Variants in KCNH7 observed in about 807,000 individuals in gnomAD.
The protein encoded by KCNH7 is potassium voltage-gated channel subfamily H member 7.
KCNH7 carries 49 observed loss-of-function variants against 120.8 expected under a neutral mutation model. The observed-to-expected ratio is 0.41, with a 90% CI of 0.32 to 0.51. KCNH7 has a LOEUF of 0.51. Among genes scored for constraint, KCNH7 ranks in the 20% least tolerant of loss-of-function variants. The pLI, the probability that KCNH7 is intolerant of heterozygous loss-of-function variation, is 0.38. For synonymous variants in KCNH7, 547 were observed against 516.1 expected (o/e 1.06, Z -0.81); for missense variants, 1,097 against 1,446.6 (o/e 0.76, Z 3.92).
intron 2 of KCNH7, among the ~76,000 whole-genome samples, chr2:162,781,313 A>G (rs1018120064): frequency 2.0e-5 from 3 of 152,036 alleles, no homozygotes; most frequent in East Asian, 1.9e-4. Context: ...AGATGAAACT[A>G]AGAGAAATAA....
At chr2:162,584,552 C>T (rs975470420) in intron 2 of KCNH7, among the ~76,000 whole-genome samples, 3 of 151,972 alleles carry the variant, frequency 2.0e-5, no homozygotes, top group South Asian at 4.1e-4. Flanking sequence ...GGAACATTGA[C>T]GGTGAGGTAT....
chr2:162,413,684 A>T (rs1687458693), intron 9 of KCNH7, among the ~76,000 whole-genome samples: 1 of 152,074 alleles, frequency 6.6e-6, no homozygotes, highest in Non-Finnish European at 1.5e-5. Flanking sequence ...AAATTTAGGA[A>T]ATGACTCATA....
intron 2 of KCNH7, among the ~76,000 whole-genome samples, chr2:162,632,521 AT>A (rs962985695): frequency 1.5e-4 from 23 of 151,904 alleles, no homozygotes; most frequent in African/African-American, 4.8e-4. Flanking sequence ...TGATTTTACA[AT>A]TCATTATGAA....
At chr2:162,531,728 G>A (rs922667148) in intron 3 of KCNH7, among the ~76,000 whole-genome samples, 2 of 151,580 alleles carry the variant, frequency 1.3e-5, no homozygotes, top group African/African-American at 4.8e-5. Context: ...TATTGTTCAG[G>A]GAAAAACATT....
intron 2 of KCNH7, among the ~76,000 whole-genome samples, chr2:162,719,668 G>A (rs1460947232): frequency 6.6e-6 from 1 of 151,930 alleles, no homozygotes; most frequent in Non-Finnish European, 1.5e-5. Context: ...TTTTAAATAG[G>A]AATATGTGGG....
chr2:162,391,966 T>C (rs1041280532), intron 12 of KCNH7, among the ~76,000 whole-genome samples: 1 of 152,062 alleles, frequency 6.6e-6, no homozygotes, highest in Non-Finnish European at 1.5e-5. Flanking sequence ...AATTATCAAC[T>C]ATCTATGAGT....
chr2:162,564,953 T>A (rs1349643999), intron 2 of KCNH7, among the ~76,000 whole-genome samples: 1 of 152,114 alleles, frequency 6.6e-6, no homozygotes, highest in East Asian at 1.9e-4. Flanking sequence ...TTGGGAGCCA[T>A]TTTTATATTT....
intron 2 of KCNH7, among the ~76,000 whole-genome samples, chr2:162,564,820 T>C (rs1693196907): frequency 1.3e-5 from 2 of 152,148 alleles, no homozygotes; most frequent in Admixed American, 1.3e-4. Context: ...CGTGTCACTA[T>C]ATCTTCTTCT....
At position 162,713,620 on chromosome 2, in the gene KCNH7, A is replaced by T. The variant is rs563142348; in HGVS notation, c.307+122917T>A. ...GCTTGAGGGTAGATTTTTAATTCTG[A>T]CATGTTTATTTCGATAAAAAATTAT... is the stretch of plus-strand genomic sequence containing the variant. On this transcript the variant is annotated intron_variant, in intron 2 of 15. Coordinates refer to ENST00000332142, the MANE Select transcript of KCNH7 (RefSeq NM_033272.4). Among the ~76,000 whole-genome samples the T allele has an allele frequency of 5.3e-5, 8 of 152,320 alleles. No homozygotes were observed. The South Asian group carries it at 1.7e-3, about 32-fold the overall frequency.
At chr2:162,600,948 C>G (rs1291726644) in intron 2 of KCNH7, among the ~76,000 whole-genome samples, 3 of 152,004 alleles carry the variant, frequency 2.0e-5, no homozygotes, top group African/African-American at 7.2e-5. Context: ...TGATGTCTCC[C>G]ATGGGGAGAA....
chr2:162,718,784 A>G (rs1248996884), intron 2 of KCNH7, among the ~76,000 whole-genome samples: 1 of 152,030 alleles, frequency 6.6e-6, no homozygotes, highest in Non-Finnish European at 1.5e-5. Context: ...TAGTCTCCAC[A>G]TATCCTTTAA....
At chr2:162,551,063 CTG>C (rs1158786175) in intron 2 of KCNH7, among the ~76,000 whole-genome samples, 1 of 152,032 alleles carries the variant, frequency 6.6e-6, no homozygotes, top group Non-Finnish European at 1.5e-5. Flanking sequence ...AGACTTAGTT[CTG>C]TGTGGTGGTC....
At chr2:162,755,037 C>G in intron 2 of KCNH7, among the ~76,000 whole-genome samples, 1 of 152,130 alleles carries the variant, frequency 6.6e-6, no homozygotes, top group East Asian at 1.9e-4. Context: ...AGCATTTTTC[C>G]TATTTAAGAT....
intron 2 of KCNH7, among the ~76,000 whole-genome samples, chr2:162,607,756 G>A (rs934203234): frequency 9.2e-5 from 14 of 151,782 alleles, no homozygotes; most frequent in African/African-American, 3.4e-4. Flanking sequence ...CACATTATAA[G>A]TTATACAAAT....
chr2:162,515,553 T>G (rs1215480979), intron 4 of KCNH7, among the ~76,000 whole-genome samples: 1 of 151,776 alleles, frequency 6.6e-6, no homozygotes, highest in African/African-American at 2.4e-5. Context: ...AGGCAATTTC[T>G]GAAAAGTCAG....
intron 2 of KCNH7, among the ~76,000 whole-genome samples, chr2:162,766,326 C>T (rs922170406): frequency 2.6e-5 from 4 of 152,050 alleles, no homozygotes; most frequent in Non-Finnish European, 4.4e-5. Context: ...TAAGCAAAAG[C>T]AAACAAAACA....
chr2:162,587,795 T>C (rs1002299152), intron 2 of KCNH7, among the ~76,000 whole-genome samples: 1 of 152,114 alleles, frequency 6.6e-6, no homozygotes, highest in Non-Finnish European at 1.5e-5. Context: ...CCACAATGTG[T>C]GTCAACTTTC....
At chr2:162,755,377 C>T (rs1022006893) in intron 2 of KCNH7, among the ~76,000 whole-genome samples, 9 of 152,180 alleles carry the variant, frequency 5.9e-5, no homozygotes, top group African/African-American at 1.4e-4. Flanking sequence ...GAGGCTGAGG[C>T]AGGAAAATCA....
At position 162,666,130 on chromosome 2, in the gene KCNH7, C is replaced by T. The variant is rs542986768; in HGVS notation, c.308-129050G>A. Among the ~76,000 whole-genome samples, 4 of 152,162 alleles carry T rather than the reference C, an allele frequency of 2.6e-5. No homozygotes were observed. In the South Asian group the frequency reaches 8.3e-4, roughly 32 times the overall value. Reference sequence around the variant, plus strand: ...GTTTAGGAGTTTAGATCCTCCATTACCTTGTGCTCTAGAAGGCAACTAAAC... The same window carrying T: ...GTTTAGGAGTTTAGATCCTCCATTATCTTGTGCTCTAGAAGGCAACTAAAC... On this transcript the variant is annotated intron_variant, in intron 2 of 15. Transcript: ENST00000332142.
Sources: allele counts gnomAD v4.1 joint callset (sites outside exome capture counted in the v4.1 genomes callset), GRCh38; gene constraint gnomAD v4.1.1; transcripts MANE v1.5; gene names NCBI Gene and HGNC (gene_info 2026-07-23, HGNC 2026-07-21).